The following CYB5D2 variants were observed in gnomAD, a reference collection of about 807,000 sequenced individuals.
The protein encoded by CYB5D2 is neuferricin.
Under a neutral mutation model 22.8 loss-of-function variants are expected in CYB5D2, and 23 were observed. That is an observed-to-expected ratio of 1.01 (90% CI 0.73 to 1.43). CYB5D2 has a LOEUF of 1.43. Among genes scored for constraint, CYB5D2 ranks in the 40% most tolerant of loss-of-function variants. The probability of loss-of-function intolerance (pLI) is 0.00; values close to 1 mark genes in which losing one functional copy is unlikely to be tolerated. For missense variants in CYB5D2, 373 were observed against 357.2 expected (o/e 1.04, Z -0.36); for synonymous variants, 170 against 152.2 (o/e 1.12, Z -0.86).
At chr17:4,154,624 C>G in intron 2 of CYB5D2, 50 bp from the exon 3 acceptor site, 2 of 1,573,214 alleles carry the variant, frequency 1.3e-6, no homozygotes, top group Non-Finnish European at 1.7e-6. Context: ...ACACCTGCCT[C>G]AGCAGCTGAG....
intron 2 of CYB5D2, among the ~76,000 whole-genome samples, chr17:4,152,484 G>A (rs1156265468): frequency 1.3e-5 from 2 of 152,202 alleles, no homozygotes; most frequent in Non-Finnish European, 2.9e-5. Flanking sequence ...TGGTTATGCT[G>A]TGGATACAGG....
At position 4,143,977 on chromosome 17, in the gene CYB5D2, G is replaced by A. The variant is rs747774465; in HGVS notation, c.222G>A (p.Glu74=). The A allele has an allele frequency of 3.7e-6, 6 of 1,611,316 alleles. No individual in the cohort carries two copies. Among genetic ancestry groups the A allele is most frequent in the Non-Finnish European group, 5.1e-6 (6 of 1,179,214 alleles). Residue 74 remains glutamate, a synonymous_variant, in exon 1 of 4, where the codon GAG becomes GAA. Transcript: ENST00000301391. ...TGTCCTCCGGCCGGAGGCACTACGA[G>A]CCTGGGTCCCACTATAGCGGCTTCG... is the stretch of plus-strand genomic sequence containing the variant. ...YDVSSGRRHY[E]PGSHYSGFAG...
At chr17:4,153,529 A>G (rs1992159) in intron 2 of CYB5D2, among the ~76,000 whole-genome samples, 146,709 of 152,310 alleles carry the variant, frequency 0.96, 70,908 homozygotes, top group East Asian at 1. Context: ...TTAATCAGGC[A>G]TCGGAGAGCC....
chr17:4,145,236 A>G (rs1266945848), intron 1 of CYB5D2, among the ~76,000 whole-genome samples: 1 of 152,244 alleles, frequency 6.6e-6, no homozygotes, highest in Non-Finnish European at 1.5e-5. Flanking sequence ...TCTTAGGGGA[A>G]TTGGGAAGCT....
chr17:4,147,385 CT>C (rs1338438436), intron 1 of CYB5D2, among the ~76,000 whole-genome samples: 1 of 152,182 alleles, frequency 6.6e-6, no homozygotes, highest in Non-Finnish European at 1.5e-5. Context: ...GGTGTGTTGT[CT>C]TACCTGATAA....
chr17:4,153,359 G>T (rs1344461627), intron 2 of CYB5D2, among the ~76,000 whole-genome samples: 1 of 151,948 alleles, frequency 6.6e-6, no homozygotes, highest in Non-Finnish European at 1.5e-5. Flanking sequence ...GCACAGCCAA[G>T]ACACAGAAAG....
intron 2 of CYB5D2, 96 bp from the exon 3 acceptor site, chr17:4,154,578 A>G (rs1270000380): frequency 2.1e-6 from 3 of 1,408,634 alleles, no homozygotes; most frequent in Non-Finnish European, 2.9e-6. Flanking sequence ...CACCAGCAGG[A>G]CTGAAGTCAG....
Position 4,143,652 on chromosome 17 carries a change from A to G in CYB5D2, c.-104A>G, listed in dbSNP as rs1045339385. 6.9e-6 allele frequency: 10 copies of G among 1,459,798 alleles called. No homozygotes were observed. Among genetic ancestry groups the G allele is most frequent in the Non-Finnish European group, 9.2e-6 (10 of 1,085,286 alleles). The allele number at this position is 1,459,798 out of a possible 1,614,324, so 90.4% of individuals were successfully genotyped here. ...GCGAGCACTAGCGCGCGAGAGAGAG[A>G]GCGAGAGCGCGCGCGCCGATGACGT... On this transcript the variant is annotated 5_prime_UTR_variant, in exon 1 of 4. Coordinates refer to ENST00000301391, the MANE Select transcript of CYB5D2 (RefSeq NM_144611.4).
intron 2 of CYB5D2, among the ~76,000 whole-genome samples, chr17:4,151,283 A>T (rs1274061765): frequency 6.6e-6 from 1 of 151,812 alleles, no homozygotes; most frequent in East Asian, 1.9e-4. Context: ...GAAGGCACTG[A>T]CCTCTACTCA....
In CYB5D2 at chr17:4,154,737, A is replaced by G; in HGVS notation, c.455A>G (p.Glu152Gly). 3 of 1,614,218 alleles carry G rather than the reference A, an allele frequency of 1.9e-6. No homozygotes were observed. The highest frequency in any genetic ancestry group is 3.3e-4 in the Middle Eastern group (2 of 6,062). ...GLPTPALTQV[E>G]AAITRGLEAN... The stretch of plus-strand genomic sequence containing the variant: ...CCCACCCCGGCACTGACCCAGGTAG[A>G]AGCTGCGATCACCAGAGGCTTGGAG... The change falls in exon 3 of 4, where the codon GAA becomes GGA. Residue 152 changes from glutamate (E) to glycine (G), a missense_variant. Transcript: ENST00000301391.
intron 3 of CYB5D2, among the ~76,000 whole-genome samples, chr17:4,156,095 G>T (rs2059110011): frequency 6.6e-6 from 1 of 152,278 alleles, no homozygotes; most frequent in Non-Finnish European, 1.5e-5. Context: ...GAAGTAGGAT[G>T]TTTTCTCGCT....
At chr17:4,154,914 G>A (rs2059098392) in intron 3 of CYB5D2, 54 bp downstream of exon 3, 6 of 1,543,362 alleles carry the variant, frequency 3.9e-6, no homozygotes, top group Non-Finnish European at 5.3e-6. Context: ...CAACTCCTAG[G>A]CCATCCTGCC....
intron 1 of CYB5D2, among the ~76,000 whole-genome samples, chr17:4,148,161 G>A (rs1489049561): frequency 1.3e-5 from 2 of 152,084 alleles, no homozygotes. Context: ...ACTGACACAA[G>A]AACACTGCTT....
chr17:4,143,620 A>C lies in CYB5D2; in HGVS notation c.-136A>C. The C allele has an allele frequency of 8.1e-7, 1 of 1,236,328 alleles. No individual in the cohort carries two copies. The highest frequency in any genetic ancestry group is 1.1e-6 in the Non-Finnish European group (1 of 889,388). The allele number at this position is 1,236,328 out of a possible 1,614,324, so 76.6% of individuals were successfully genotyped here. A position where few individuals can be genotyped will look rare whatever the true frequency, so the allele number is the denominator to read the frequency against. ...CAGATAAAACGAGAGAGACTAAGGGAGGGAGCGCGAGCACTAGCGCGCGAG... is the reference window on the plus strand; with the variant it reads ...CAGATAAAACGAGAGAGACTAAGGGCGGGAGCGCGAGCACTAGCGCGCGAG... On this transcript the variant is annotated 5_prime_UTR_variant, in exon 1 of 4. Transcript: ENST00000301391.
At chr17:4,153,105 C>G (rs9905631) in intron 2 of CYB5D2, among the ~76,000 whole-genome samples, 2 of 152,114 alleles carry the variant, frequency 1.3e-5, no homozygotes, top group African/African-American at 2.4e-5. Context: ...CTGCGCCTCA[C>G]TAGTAGAGAG....
rs968655010 is a variant in CYB5D2 at position 4,149,943 on chromosome 17, C to G, written c.303C>G (p.Leu101=). 5.6e-6 allele frequency: 9 copies of G among 1,614,160 alleles called. No homozygotes were observed. Among genetic ancestry groups the G allele is most frequent in the East Asian group, 2.2e-5 (1 of 44,886 alleles). The change falls in exon 2 of 4, where the codon CTC becomes CTG. Residue 101 remains leucine (L), a synonymous_variant. Transcript: ENST00000301391. ...CCGGGGACTGTTCTGAAGCAGGCCTCGTGGATGACGTATCCGACCTGTCAG... is the reference window on the plus strand; with the variant it reads ...CCGGGGACTGTTCTGAAGCAGGCCTGGTGGATGACGTATCCGACCTGTCAG... ...FVTGDCSEAG[L]VDDVSDLSAA...
At position 4,156,947 on chromosome 17, in the gene CYB5D2, G is replaced by A; in HGVS notation, c.660G>A (p.Val220=). 6.2e-7 allele frequency: 1 copy of A among 1,612,872 alleles called. No homozygotes were observed. The highest frequency in any genetic ancestry group is 8.5e-7 in the Non-Finnish European group (1 of 1,180,026). Residue 220 remains valine, a synonymous_variant, in exon 4 of 4, where the codon GTG becomes GTA. Coordinates refer to ENST00000301391, the MANE Select transcript of CYB5D2 (RefSeq NM_144611.4). The stretch of plus-strand genomic sequence containing the variant: ...CTAAGGAGCCCCGCTGCGTGTGTGT[G>A]AGAACCACCGGCCCCCCTAGTGGCC... ...PGAKEPRCVC[V]RTTGPPSGQM...
At chr17:4,150,268 T>G (rs1037520830) in intron 2 of CYB5D2, among the ~76,000 whole-genome samples, 1 of 152,180 alleles carries the variant, frequency 6.6e-6, no homozygotes, top group Non-Finnish European at 1.5e-5. Flanking sequence ...TTGGCCTCAG[T>G]TTCGCCATAG....
intron 1 of CYB5D2, among the ~76,000 whole-genome samples, chr17:4,145,988 G>C (rs1464718812): frequency 6.6e-6 from 1 of 152,186 alleles, no homozygotes; most frequent in African/African-American, 2.4e-5. Flanking sequence ...TTGTAGAGAT[G>C]GGTTTTCGCC....
Sources: allele counts gnomAD v4.1 joint callset (sites outside exome capture counted in the v4.1 genomes callset), GRCh38; gene constraint gnomAD v4.1.1; transcripts MANE v1.5; gene names NCBI Gene and HGNC (gene_info 2026-07-23, HGNC 2026-07-21).